Variants in GSE1 observed in about 807,000 individuals in gnomAD.
The protein encoded by GSE1 is genetic suppressor element 1.
GSE1 carries 32 observed loss-of-function variants against 112.6 expected under a neutral mutation model. The ratio of observed to expected loss-of-function variants is 0.28; its 90% CI spans 0.21 to 0.38. The LOEUF (loss-of-function observed/expected upper bound fraction) is 0.38. Among genes scored for constraint, GSE1 ranks in the 10% least tolerant of loss-of-function variants. The pLI is 1.00. For missense variants in GSE1, 2,348 were observed against 1,699.2 expected (o/e 1.38, Z -6.71); for synonymous variants, 1,115 against 735.6 (o/e 1.52, Z -8.35).
intron 1 of GSE1, among the ~76,000 whole-genome samples, chr16:85,182,430 C>G (rs954337076): frequency 2.6e-5 from 4 of 152,234 alleles, no homozygotes; most frequent in African/African-American, 9.7e-5. Context: ...CAAGGTGTCA[C>G]TCCCCTGGCG....
chr16:85,470,347 C>G (rs1051196826), intron 2 of GSE1, among the ~76,000 whole-genome samples: 4 of 152,218 alleles, frequency 2.6e-5, no homozygotes, highest in African/African-American at 7.2e-5. Context: ...CCAGACTAAG[C>G]TCAGCACACC....
At chr16:85,370,846 C>T (rs935178575) in intron 2 of GSE1, among the ~76,000 whole-genome samples, 1 of 152,236 alleles carries the variant, frequency 6.6e-6, no homozygotes, top group Non-Finnish European at 1.5e-5. Context: ...CTGCTGCCCA[C>T]GGAGTTGACA....
rs186942246 is a variant in GSE1 at position 85,492,271 on chromosome 16, C to T, written c.2464+134628C>T. Among the ~76,000 whole-genome samples the T allele has an allele frequency of 2.9e-3, 441 of 152,300 alleles. 3 individuals are homozygous for T. The highest frequency in any genetic ancestry group is 0.01 in the African/African-American group (421 of 41,560). Reference sequence around the variant, plus strand: ...ACTGGCTGGGAGCCGCCCCCGTCGGCCTGTGCTGAGGTTTCTGGGGTTCCA... The same window carrying T: ...ACTGGCTGGGAGCCGCCCCCGTCGGTCTGTGCTGAGGTTTCTGGGGTTCCA... On this transcript the variant is annotated intron_variant, in intron 2 of 2. Transcript: ENST00000637419.
chr16:85,443,418 A>T (rs928545000), intron 2 of GSE1, among the ~76,000 whole-genome samples: 1 of 152,138 alleles, frequency 6.6e-6, no homozygotes, highest in Non-Finnish European at 1.5e-5. Context: ...CCACTTCTCC[A>T]CCTGTAAAAC....
intron 2 of GSE1, among the ~76,000 whole-genome samples, chr16:85,455,401 G>GAA (rs909576195): frequency 1.4e-5 from 2 of 144,962 alleles, no homozygotes; most frequent in African/African-American, 5.7e-5. Flanking sequence ...GAGAGAGAGA[G>GAA]AGAAAGAAAG....
At chr16:85,308,507 G>A (rs1000222991) in intron 1 of GSE1, among the ~76,000 whole-genome samples, 2 of 152,082 alleles carry the variant, frequency 1.3e-5, no homozygotes, top group Non-Finnish European at 2.9e-5. Context: ...AACTGCTTCA[G>A]AAAACAAACT....
intron 2 of GSE1, among the ~76,000 whole-genome samples, chr16:85,509,702 C>T (rs2051668236): frequency 1.3e-5 from 2 of 152,214 alleles, no homozygotes; most frequent in East Asian, 1.9e-4. Flanking sequence ...GGGTGGGAGA[C>T]GTGTGTGCTG....
chr16:85,394,547 G>A (rs1405371579), intron 2 of GSE1, among the ~76,000 whole-genome samples: 1 of 152,096 alleles, frequency 6.6e-6, no homozygotes, highest in Non-Finnish European at 1.5e-5. Context: ...CCATTTGTGG[G>A]GTCACTGGTT....
At chr16:85,443,623 C>T (rs1234324823) in intron 2 of GSE1, among the ~76,000 whole-genome samples, 1 of 152,242 alleles carries the variant, frequency 6.6e-6, no homozygotes, top group East Asian at 1.9e-4. Context: ...CTGCTGTTCC[C>T]GTGGCGTGTG....
intron 1 of GSE1, among the ~76,000 whole-genome samples, chr16:85,355,727 T>G (rs1464039967): frequency 2.7e-4 from 41 of 152,016 alleles, no homozygotes; most frequent in Admixed American, 2.7e-3. Context: ...ATTTTAAAGA[T>G]TACAGAAAAG....
chr16:85,484,072 G>T (rs140758358), intron 2 of GSE1, among the ~76,000 whole-genome samples: 59 of 152,366 alleles, frequency 3.9e-4, no homozygotes, highest in South Asian at 2.1e-3. Context: ...ATTCGCGGTA[G>T]GATGACGTCC....
chr16:85,189,568 T>C (rs1445254832), intron 1 of GSE1, among the ~76,000 whole-genome samples: 1 of 152,224 alleles, frequency 6.6e-6, no homozygotes, highest in Non-Finnish European at 1.5e-5. Context: ...AAATAAAAGT[T>C]CTAAGAGACA....
intron 1 of GSE1, chr16:85,583,328 T>C (rs1309552779): frequency 6.6e-6 from 1 of 152,476 alleles, no homozygotes; most frequent in African/African-American, 2.4e-5. Context: ...CCTGGTCCTG[T>C]TCCCTCAAAC....
chr16:85,441,581 A>G (rs2049377134), intron 2 of GSE1, among the ~76,000 whole-genome samples: 1 of 152,214 alleles, frequency 6.6e-6, no homozygotes, highest in Non-Finnish European at 1.5e-5. Flanking sequence ...TGGGAGGCAG[A>G]GGTTGCAGTG....
At chr16:85,557,106 TA>T (rs1160874423) in intron 1 of GSE1, among the ~76,000 whole-genome samples, 2 of 151,800 alleles carry the variant, frequency 1.3e-5, no homozygotes, top group African/African-American at 4.8e-5. Flanking sequence ...TTCTAAACCT[TA>T]AAAAAAATTA....
At chr16:85,355,780 G>T (rs143134465) in intron 1 of GSE1, among the ~76,000 whole-genome samples, 12 of 152,160 alleles carry the variant, frequency 7.9e-5, no homozygotes, top group African/African-American at 2.4e-4. Context: ...CAGCGCTTTG[G>T]GAGGCAGAAG....
intron 2 of GSE1, among the ~76,000 whole-genome samples, chr16:85,498,628 A>C (rs1009117408): frequency 7.2e-5 from 11 of 152,196 alleles, no homozygotes; most frequent in African/African-American, 2.4e-4. Flanking sequence ...ACACATCCAC[A>C]CATGCGCACC....
intron 1 of GSE1, among the ~76,000 whole-genome samples, chr16:85,570,060 C>CT (rs1396120996): frequency 6.6e-6 from 1 of 152,220 alleles, no homozygotes; most frequent in Non-Finnish European, 1.5e-5. Flanking sequence ...CCAGGCTGAA[C>CT]TGGCCACTTC....
At chr16:85,374,768 A>G (rs556019145) in intron 2 of GSE1, among the ~76,000 whole-genome samples, 1 of 152,076 alleles carries the variant, frequency 6.6e-6, no homozygotes, top group Non-Finnish European at 1.5e-5. Context: ...GCGCCCACGC[A>G]GTTTCGGGAC....
Sources: allele counts gnomAD v4.1 joint callset (sites outside exome capture counted in the v4.1 genomes callset), GRCh38; gene constraint gnomAD v4.1.1; transcripts MANE v1.5; gene names NCBI Gene and HGNC (gene_info 2026-07-23, HGNC 2026-07-21).